Variants in MUSK observed in about 807,000 individuals in gnomAD.
The protein encoded by MUSK is muscle associated receptor tyrosine kinase.
In MUSK, 55 loss-of-function variants were observed where a neutral mutation model predicts 88.7. The observed-to-expected ratio is 0.62, with a 90% CI of 0.50 to 0.78. The LOEUF (loss-of-function observed/expected upper bound fraction) is 0.78, where lower values mean the gene tolerates loss of function less well. Ranked by LOEUF, MUSK falls within the 30% of genes least tolerant of loss-of-function variation. The pLI is 0.00. For missense variants in MUSK, 1,015 were observed against 1,074.3 expected (o/e 0.94, Z 0.77); for synonymous variants, 387 against 391.9 (o/e 0.99, Z 0.15).
chr9:110,748,013 C>T (rs1000698022), intron 7 of MUSK: 1 of 700,214 alleles, frequency 1.4e-6, no homozygotes, highest in Non-Finnish European at 2.6e-6. Context: ...TCAATACCTA[C>T]CCAAGTGGTA....
At position 110,804,709 on chromosome 9, in the gene MUSK, ATATAT is replaced by A. The variant is rs1462502915; in HGVS notation, c.*3725_*3729del. 1.3e-5 allele frequency among the ~76,000 whole-genome samples: 2 copies of A among 151,900 alleles called. No homozygotes were observed. Among genetic ancestry groups the A allele is most frequent in the African/African-American group, 2.4e-5 (1 of 41,444 alleles). On this transcript the variant is annotated 3_prime_UTR_variant, in exon 15 of 15. Transcript: ENST00000374448. ...ATTTACTTATTTTCTTATAAAAGTA[ATATAT>A]TATGTTTGAAAAGAAAAATAATATG...
At chr9:110,784,769 T>A (rs749577308) in intron 11 of MUSK, 46 bp from the exon 12 acceptor site, 3 of 1,494,984 alleles carry the variant, frequency 2.0e-6, no homozygotes, top group Non-Finnish European at 2.7e-6. Flanking sequence ...AAAAATTGCT[T>A]CTTAAAGGTT....
chr9:110,684,196 C>T (rs1366497005), intron 2 of MUSK, among the ~76,000 whole-genome samples: 6 of 151,950 alleles, frequency 3.9e-5, no homozygotes, highest in Non-Finnish European at 5.9e-5. Context: ...TTCTTCTGTA[C>T]ATGGATATCC....
chr9:110,781,243 G>A (rs1004526100), intron 11 of MUSK, among the ~76,000 whole-genome samples: 7 of 140,260 alleles, frequency 5.0e-5, no homozygotes, highest in African/African-American at 8.0e-5. Context: ...CCACACACAC[G>A]TTTGTGTGTG....
intron 5 of MUSK, among the ~76,000 whole-genome samples, chr9:110,717,958 A>T (rs533454105): frequency 7.7e-4 from 118 of 152,262 alleles, no homozygotes; most frequent in African/African-American, 2.7e-3. Context: ...ACAATAAACG[A>T]TTATCACTTC....
At chr9:110,711,267 T>A (rs201488730) in intron 5 of MUSK, among the ~76,000 whole-genome samples, 6 of 150,562 alleles carry the variant, frequency 4.0e-5, no homozygotes, top group Admixed American at 1.3e-4. Flanking sequence ...ATAAAAAAAA[T>A]TTAGTGCCTG....
At chr9:110,764,200 C>G (rs2077441054) in intron 8 of MUSK, among the ~76,000 whole-genome samples, 1 of 152,210 alleles carries the variant, frequency 6.6e-6, no homozygotes. Context: ...TCCCACGGTT[C>G]TAATGAGCAA....
chr9:110,747,187 G>A (rs184234737), intron 6 of MUSK, among the ~76,000 whole-genome samples: 10 of 152,256 alleles, frequency 6.6e-5, no homozygotes, highest in East Asian at 1.9e-4. Flanking sequence ...TCCTGTGATC[G>A]GCAGATTGAA....
At position 110,734,302 on chromosome 9, in the gene MUSK, C is replaced by A. The variant is rs374657556; in HGVS notation, c.680C>A (p.Ser227Tyr). 1.8e-5 allele frequency: 29 copies of A among 1,613,140 alleles called. No individual in the cohort carries two copies. In the African/African-American group the frequency reaches 3.7e-4, roughly 21 times the overall value. The change falls in exon 6 of 15, where the codon TCC becomes TAC. Residue 227 changes from serine to tyrosine, a missense_variant. Physicochemically the swap from Ser to Tyr is moderately radical, Grantham distance 144. Coordinates refer to ENST00000374448, the MANE Select transcript of MUSK (RefSeq NM_005592.4). ...APESHNVTFG[S>Y]FVTLHCTATG... ...GAATCCCACAATGTCACCTTTGGCT[C>A]CTTTGTGACCCTGCACTGTACAGCA...
At chr9:110,681,227 A>G (rs2076133231) in intron 1 of MUSK, among the ~76,000 whole-genome samples, 1 of 133,030 alleles carries the variant, frequency 7.5e-6, no homozygotes, top group African/African-American at 2.8e-5. Flanking sequence ...TTCTGTTGAA[A>G]AGCTGGGAAG....
At chr9:110,690,162 A>G (rs1457861500) in intron 3 of MUSK, among the ~76,000 whole-genome samples, 2 of 101,788 alleles carry the variant, frequency 2.0e-5, no homozygotes, top group African/African-American at 9.2e-5. Context: ...AAGTATAAAT[A>G]TATAAATATA....
intron 5 of MUSK, chr9:110,728,719 T>C (rs778504858): frequency 1.3e-6 from 2 of 1,569,798 alleles, no homozygotes; most frequent in Admixed American, 3.6e-5. Context: ...ATACTAAAGG[T>C]ATTTTTTTTT....
chr9:110,767,099 C>G (rs184529099), intron 8 of MUSK, among the ~76,000 whole-genome samples: 1 of 152,144 alleles, frequency 6.6e-6, no homozygotes, highest in Non-Finnish European at 1.5e-5. Flanking sequence ...CACAATAATC[C>G]GAGTTCAGAG....
chr9:110,690,329 TA>T (rs2076323247), intron 3 of MUSK, among the ~76,000 whole-genome samples: 1 of 95,434 alleles, frequency 1.0e-5, no homozygotes, highest in Non-Finnish European at 1.8e-5. Flanking sequence ...AATATATATT[TA>T]AATATAAGTA....
chr9:110,695,015 T>C (rs1587917119), intron 3 of MUSK, among the ~76,000 whole-genome samples: 1 of 150,084 alleles, frequency 6.7e-6, no homozygotes, highest in Non-Finnish European at 1.5e-5. Flanking sequence ...AATATAGTTA[T>C]ATCAAAATTT....
chr9:110,751,092 A>G (rs1373462348), intron 7 of MUSK, among the ~76,000 whole-genome samples: 1 of 152,130 alleles, frequency 6.6e-6, no homozygotes, highest in African/African-American at 2.4e-5. Context: ...ACCTAATAAA[A>G]TGGGTATATC....
intron 1 of MUSK, among the ~76,000 whole-genome samples, chr9:110,680,445 G>T (rs1007901994): frequency 6.8e-6 from 1 of 147,520 alleles, no homozygotes. Flanking sequence ...GTGCAGTGGT[G>T]CGATCTCAGC....
intron 6 of MUSK, among the ~76,000 whole-genome samples, chr9:110,738,841 C>T (rs1054515709): frequency 2.0e-5 from 3 of 152,138 alleles, no homozygotes; most frequent in African/African-American, 7.2e-5. Context: ...AATCAGGGAA[C>T]ATTAAGATGA....
At chr9:110,690,845 TATATATATAA>T (rs2076344573) in intron 3 of MUSK, among the ~76,000 whole-genome samples, 1 of 133,242 alleles carries the variant, frequency 7.5e-6, no homozygotes, top group African/African-American at 2.9e-5. Flanking sequence ...TAAATATAAG[TATATATATAA>T]ATATATATAT....
Sources: allele counts gnomAD v4.1 joint callset (sites outside exome capture counted in the v4.1 genomes callset), GRCh38; gene constraint gnomAD v4.1.1; transcripts MANE v1.5; gene names NCBI Gene and HGNC (gene_info 2026-07-23, HGNC 2026-07-21).